Variants in RASA3 observed in about 807,000 individuals in gnomAD.
RASA3 encodes the protein RAS p21 protein activator 3.
RASA3 carries 73 observed loss-of-function variants against 110.0 expected under a neutral mutation model. The observed-to-expected ratio is 0.66, with a 90% CI of 0.55 to 0.81. The LOEUF (loss-of-function observed/expected upper bound fraction) is 0.81. Among genes scored for constraint, RASA3 ranks in the 30% least tolerant of loss-of-function variants. RASA3 has a pLI of 0.00. For missense variants in RASA3, 976 were observed against 1,113.2 expected, an observed-to-expected ratio of 0.88 and a Z score of 1.75; for synonymous variants, 500 against 451.4, an observed-to-expected ratio of 1.11 and a Z score of -1.37.
At chr13:114,078,862 C>T (rs937558686) in intron 1 of RASA3, among the ~76,000 whole-genome samples, 2 of 152,196 alleles carry the variant, frequency 1.3e-5, no homozygotes, top group African/African-American at 4.8e-5. Context: ...GTGCTGACAG[C>T]GAGCTGTCGG....
chr13:114,043,838 C>CCCTCGGCCCCGCCTCACTCGCTGAGCCG (rs2078985990), intron 3 of RASA3, among the ~76,000 whole-genome samples: 1 of 19,930 alleles, frequency 5.0e-5, no homozygotes, highest in African/African-American at 4.3e-4. Flanking sequence ...ACTCGCTGAG[C>CCCTCGGCCCCGCCTCACTCGCTGAGCCG]CCCCCGCCCC....
intron 1 of RASA3, among the ~76,000 whole-genome samples, chr13:114,119,305 G>A (rs2080333723): frequency 1.3e-5 from 2 of 152,158 alleles, no homozygotes; most frequent in South Asian, 4.1e-4. Context: ...CTAAATACTG[G>A]AGGAGCGCTA....
At chr13:114,021,902 G>A (rs966504634) in intron 8 of RASA3, among the ~76,000 whole-genome samples, 1 of 151,910 alleles carries the variant, frequency 6.6e-6, no homozygotes, top group African/African-American at 2.4e-5. Context: ...TGTGCCAGGA[G>A]GGAGCCAGGC....
chr13:114,075,448 TCCC>T (rs2079653250), intron 1 of RASA3, among the ~76,000 whole-genome samples: 1 of 102,976 alleles, frequency 9.7e-6, no homozygotes, highest in African/African-American at 4.0e-5. Flanking sequence ...GGACAACGCC[TCCC>T]GTGTCCGCGC....
At position 114,018,174 on chromosome 13, in the gene RASA3, G is replaced by A; in HGVS notation, c.1021C>T (p.Leu341Phe). The A allele has an allele frequency of 6.4e-7, 1 of 1,551,420 alleles. No individual in the cohort carries two copies. Among genetic ancestry groups the A allele is most frequent in the South Asian group, 1.2e-5 (1 of 84,108 alleles). Reference sequence around the variant, plus strand: ...ACCACCCTGCCATAGTGTAGGAAGAGCCGCACCAGCGGGACGGCCGCCTCC... The same window carrying A: ...ACCACCCTGCCATAGTGTAGGAAGAACCGCACCAGCGGGACGGCCGCCTCC... The part of the protein sequence containing the change: ...KQEAAVPLVR[L>F]FLHYGRVVPF... Residue 341 changes from leucine (L) to phenylalanine (F), a missense_variant, in exon 11 of 24, where the codon CTC (leucine) becomes TTC (phenylalanine). Transcript: ENST00000334062.
rs369104573 is a variant in RASA3, at chr13:114,005,781, C to A, written c.1742+1752G>T. Among the ~76,000 whole-genome samples the A allele has an allele frequency of 6.4e-3, 622 of 97,906 alleles. 47 individuals carry two copies. Among genetic ancestry groups the A allele is most frequent in the African/African-American group, 0.017 (440 of 25,290 alleles). The allele number at this position is 97,906 out of a possible 152,430, so 64.2% of individuals were successfully genotyped here. Reference sequence around the variant, plus strand: ...CGGATGCCACCTTACCCTTCTCCCCCCTCCTGCCCTGCCGGACACCACCTT... The same window carrying A: ...CGGATGCCACCTTACCCTTCTCCCCACTCCTGCCCTGCCGGACACCACCTT... On this transcript the variant is annotated intron_variant, in intron 18 of 23. Coordinates refer to ENST00000334062, the MANE Select transcript of RASA3 (RefSeq NM_007368.4).
intron 9 of RASA3, 151 bp from the exon 10 acceptor site, chr13:114,019,070 C>T (rs906467565): frequency 2.4e-5 from 24 of 1,008,414 alleles, no homozygotes; most frequent in Middle Eastern, 3.2e-4. Context: ...GACTCCCCAC[C>T]GAAGACCCCC....
At chr13:114,097,356 C>T (rs1330209818) in intron 1 of RASA3, among the ~76,000 whole-genome samples, 2 of 152,242 alleles carry the variant, frequency 1.3e-5, no homozygotes, top group Admixed American at 6.5e-5. Flanking sequence ...CCCGGCTATG[C>T]TGTGTGCATC....
Position 113,981,722 on chromosome 13 carries a change from G to C in RASA3, c.2382C>G (p.His794Gln). The C allele has an allele frequency of 1.9e-6, 3 of 1,614,048 alleles. No homozygotes were observed. Among genetic ancestry groups the C allele is most frequent in the Non-Finnish European group, 2.5e-6 (3 of 1,179,992 alleles). ...TGAACTTGTCCCTCTTATACTGGGC[G>C]TGCTCCTGCTCCAAAGCCCCAACCC... ...IAGVGALEQE[H>Q]AQYKRDKFKK... is the part of the protein sequence containing the mutation. The change falls in exon 23 of 24, where the codon CAC becomes CAG. Residue 794 changes from histidine (H) to glutamine (Q), a missense_variant. Physicochemically the swap from His to Gln is conservative, Grantham distance 24. This residue lies in a region of RASA3 where 132 missense variants were observed against 152.8 expected (regional missense o/e 0.86). Coordinates refer to ENST00000334062, the MANE Select transcript of RASA3 (RefSeq NM_007368.4).
At chr13:114,026,434 C>T (rs2054027223) in intron 7 of RASA3, among the ~76,000 whole-genome samples, 1 of 152,250 alleles carries the variant, frequency 6.6e-6, no homozygotes, top group Non-Finnish European at 1.5e-5. Flanking sequence ...AGACAGAGAA[C>T]AGATTCCACC....
intron 3 of RASA3, among the ~76,000 whole-genome samples, chr13:114,047,356 C>T (rs1340583986): frequency 6.6e-6 from 1 of 152,206 alleles, no homozygotes; most frequent in Non-Finnish European, 1.5e-5. Context: ...ACAGTACACA[C>T]CTATGGGAGT....
intron 16 of RASA3, among the ~76,000 whole-genome samples, chr13:114,010,335 A>T (rs1214612146): frequency 6.6e-6 from 1 of 151,614 alleles, no homozygotes; most frequent in African/African-American, 2.4e-5. Flanking sequence ...CGGAGCCCCG[A>T]GGGGGCCCGA....
At chr13:114,040,894 G>C in intron 4 of RASA3, 106 bp downstream of exon 4, 2 of 1,064,458 alleles carry the variant, frequency 1.9e-6, no homozygotes, top group Non-Finnish European at 1.4e-6. Context: ...TCCCAGTCAA[G>C]GCCGAAGCCC....
chr13:114,068,916 A>T (rs114896062), intron 2 of RASA3, among the ~76,000 whole-genome samples: 1 of 152,206 alleles, frequency 6.6e-6, no homozygotes, highest in Non-Finnish European at 1.5e-5. Context: ...TAAACCTGTG[A>T]CAGACACTGC....
intron 10 of RASA3, 60 bp downstream of exon 10, chr13:114,018,703 G>A: frequency 6.3e-7 from 1 of 1,589,020 alleles, no homozygotes; most frequent in Non-Finnish European, 8.6e-7. Context: ...GGTGTAGGGT[G>A]GGGCCCCAGG....
At position 114,000,952 on chromosome 13, in the gene RASA3, G is replaced by A; in HGVS notation, c.1743-20C>T. 6.4e-7 allele frequency: 1 copy of A among 1,574,018 alleles called. No individual in the cohort carries two copies. Among genetic ancestry groups the A allele is most frequent in the Non-Finnish European group, 8.7e-7 (1 of 1,143,894 alleles). ...ATGAACCTGTGTGAAGAGCACACAG[G>A]GCCGGGGTCCGGGCCTCAGCTGCCT... On this transcript the variant is annotated intron_variant, in intron 18 of 23. Transcript: ENST00000334062.
chr13:114,015,913 G>T (rs151004523), intron 13 of RASA3, among the ~76,000 whole-genome samples: 37 of 152,232 alleles, frequency 2.4e-4, no homozygotes, highest in African/African-American at 7.9e-4. Flanking sequence ...CCTCCGGGGG[G>T]GCAGAGCTGG....
intron 18 of RASA3, among the ~76,000 whole-genome samples, chr13:114,002,497 G>T (rs138646277): frequency 1.8e-4 from 28 of 152,102 alleles, no homozygotes; most frequent in African/African-American, 4.6e-4. Context: ...ACGGGGGTTG[G>T]GGGGGGACTG....
intron 20 of RASA3, 113 bp downstream of exon 20, chr13:113,999,472 C>G (rs2053332285): frequency 1.3e-6 from 1 of 793,358 alleles, no homozygotes; most frequent in Admixed American, 2.0e-5. Context: ...CTCTGAGAAG[C>G]CTGGAGTGCA....
Sources: gnomAD v4.1 joint callset for allele counts (sites outside exome capture counted in the v4.1 genomes callset) on GRCh38, gnomAD v4.1.1 for gene constraint, gnomAD v4.1.1 regional missense constraint, MANE v1.5 for transcripts, NCBI Gene and HGNC (gene_info 2026-07-23, HGNC 2026-07-21) for gene names.